NRG3: variants seen among roughly 807,000 people sequenced by gnomAD.
NRG3 encodes the protein neuregulin 3.
In NRG3, 31 loss-of-function variants were observed where a neutral mutation model predicts 66.9. The observed-to-expected ratio is 0.46, with a 90% CI of 0.35 to 0.63. The LOEUF is 0.63. Ranked by LOEUF, NRG3 falls within the 20% of genes least tolerant of loss-of-function variation. The pLI, the probability that NRG3 is intolerant of heterozygous loss-of-function variation, is 0.00. For synonymous variants in NRG3, 393 were observed against 359.4 expected, an observed-to-expected ratio of 1.09 and a Z score of -1.06; for missense variants, 910 against 878.9, an observed-to-expected ratio of 1.04 and a Z score of -0.45.
intron 2 of NRG3, among the ~76,000 whole-genome samples, chr10:82,649,947 T>C (rs1208098817): frequency 1.3e-5 from 2 of 152,130 alleles, no homozygotes; most frequent in African/African-American, 4.8e-5. Flanking sequence ...ATGGTGGACA[T>C]TGGCAGTGAA....
chr10:82,009,875 G>T (rs569725401), intron 1 of NRG3, among the ~76,000 whole-genome samples: 1 of 152,160 alleles, frequency 6.6e-6, no homozygotes, highest in South Asian at 2.1e-4. Flanking sequence ...GAGACACAGC[G>T]CAGTATAGAA....
intron 4 of NRG3, among the ~76,000 whole-genome samples, chr10:82,891,160 AAAG>A (rs1244425776): frequency 2.6e-5 from 4 of 151,760 alleles, no homozygotes; most frequent in African/African-American, 9.7e-5. Context: ...TTTTAAAAAG[AAAG>A]AAAAAAATGA....
intron 2 of NRG3, among the ~76,000 whole-genome samples, chr10:82,377,840 T>G (rs1367115857): frequency 2.0e-5 from 3 of 152,212 alleles, no homozygotes; most frequent in African/African-American, 7.2e-5. Flanking sequence ...AAATAACGTT[T>G]ACAAATCAGG....
chr10:82,256,555 G>T (rs565810331), intron 1 of NRG3, among the ~76,000 whole-genome samples: 1 of 152,096 alleles, frequency 6.6e-6, no homozygotes, highest in Non-Finnish European at 1.5e-5. Context: ...CTACCTCTGT[G>T]TTTGCTCACA....
intron 2 of NRG3, among the ~76,000 whole-genome samples, chr10:82,379,119 C>A (rs1235968382): frequency 6.6e-6 from 1 of 152,118 alleles, no homozygotes; most frequent in Middle Eastern, 3.2e-3. Flanking sequence ...GATGTTCCCC[C>A]TGGGAGATTG....
intron 1 of NRG3, among the ~76,000 whole-genome samples, chr10:81,928,008 G>A (rs1174722460): frequency 1.3e-5 from 2 of 152,064 alleles, no homozygotes; most frequent in East Asian, 3.9e-4. Flanking sequence ...TTTTACATAT[G>A]GATTCATAGT....
intron 1 of NRG3, among the ~76,000 whole-genome samples, chr10:82,083,998 C>T (rs1000838638): frequency 3.3e-5 from 5 of 151,426 alleles, no homozygotes; most frequent in East Asian, 2.0e-4. Flanking sequence ...GAGGCTGAGG[C>T]GGGCGGATTA....
At chr10:82,522,434 C>T (rs998001304) in intron 2 of NRG3, among the ~76,000 whole-genome samples, 7 of 152,074 alleles carry the variant, frequency 4.6e-5, no homozygotes, top group Non-Finnish European at 1.0e-4. Context: ...CTTCTAAGTA[C>T]GTGGTTTGTG....
chr10:82,845,324 A>G (rs1234617414), intron 3 of NRG3, among the ~76,000 whole-genome samples: 20 of 152,236 alleles, frequency 1.3e-4, no homozygotes, highest in Admixed American at 1.3e-3. Flanking sequence ...ACGAAGCTGC[A>G]TCATTGCTCT....
intron 1 of NRG3, among the ~76,000 whole-genome samples, chr10:82,296,471 G>A (rs2080069915): frequency 6.6e-6 from 1 of 152,150 alleles, no homozygotes; most frequent in African/African-American, 2.4e-5. Context: ...AGGAAAGCAG[G>A]TGACACGAGT....
intron 1 of NRG3, among the ~76,000 whole-genome samples, chr10:82,163,818 G>A (rs1488795119): frequency 2.0e-5 from 3 of 152,052 alleles, no homozygotes; most frequent in Non-Finnish European, 4.4e-5. Flanking sequence ...TGGTACTATG[G>A]TGAGGAATTC....
At chr10:82,157,935 A>G (rs993959153) in intron 1 of NRG3, among the ~76,000 whole-genome samples, 4 of 151,704 alleles carry the variant, frequency 2.6e-5, no homozygotes, top group Non-Finnish European at 4.4e-5. Flanking sequence ...GGAGAAAGTA[A>G]TGTGCATGAT....
chr10:81,882,300 T>G (rs1842249377), intron 1 of NRG3, among the ~76,000 whole-genome samples: 1 of 151,892 alleles, frequency 6.6e-6, no homozygotes, highest in Non-Finnish European at 1.5e-5. Context: ...CTAAGAGGAG[T>G]TAGATTAAGG....
chr10:82,665,855 T>G (rs1408422083), intron 2 of NRG3, among the ~76,000 whole-genome samples: 1 of 152,136 alleles, frequency 6.6e-6, no homozygotes, highest in Admixed American at 6.6e-5. Flanking sequence ...GCTCCAATTA[T>G]CTGGCTACTA....
rs370606751 is a variant in NRG3, at chr10:82,156,515, TCACCTCC to T, written c.824-202223_824-202217del. Among the ~76,000 whole-genome samples, 347 of 151,820 alleles carry T rather than the reference TCACCTCC, an allele frequency of 2.3e-3. 1 individual carries two copies. Among genetic ancestry groups the T allele is most frequent in the African/African-American group, 7.7e-3 (319 of 41,522 alleles). Reference sequence around the variant, plus strand: ...ACTGTTAGCCAGCATAATGTCAATATCACCTCCTATTATTAGTGCCATGGTATTTTGT... The same window carrying T: ...ACTGTTAGCCAGCATAATGTCAATATTATTATTAGTGCCATGGTATTTTGT... On this transcript the variant is annotated intron_variant, in intron 1 of 8. Transcript: ENST00000372141.
intron 2 of NRG3, among the ~76,000 whole-genome samples, chr10:82,666,449 A>G (rs1032049005): frequency 2.0e-5 from 3 of 152,174 alleles, no homozygotes; most frequent in Admixed American, 6.5e-5. Context: ...GTGAGACCCT[A>G]TTCCCATCAG....
At chr10:82,100,189 A>G (rs998801286) in intron 1 of NRG3, among the ~76,000 whole-genome samples, 10 of 152,126 alleles carry the variant, frequency 6.6e-5, no homozygotes, top group South Asian at 6.2e-4. Context: ...TTTATTTCCA[A>G]TATTTCATTG....
chr10:82,346,256 T>C (rs1378795295), intron 1 of NRG3, among the ~76,000 whole-genome samples: 1 of 150,624 alleles, frequency 6.6e-6, no homozygotes, highest in South Asian at 2.1e-4. Flanking sequence ...TCTAATTTAT[T>C]GAGAGTTTTT....
chr10:82,421,204 A>G (rs572421723), intron 2 of NRG3, among the ~76,000 whole-genome samples: 1 of 152,248 alleles, frequency 6.6e-6, no homozygotes, highest in East Asian at 1.9e-4. Context: ...CCTGTGACTC[A>G]TATCTGTTGT....
Sources: allele counts gnomAD v4.1 joint callset (sites outside exome capture counted in the v4.1 genomes callset), GRCh38; gene constraint gnomAD v4.1.1; transcripts MANE v1.5; gene names NCBI Gene and HGNC (gene_info 2026-07-23, HGNC 2026-07-21).